CIMAP2: variants seen among roughly 807,000 people sequenced by gnomAD.
The protein encoded by CIMAP2 is ciliary microtubule-associated protein 2.
the CIMAP2 span, among the ~76,000 whole-genome samples, chr1:54,838,773 G>T: frequency 3.3e-5 from 5 of 152,150 alleles, no homozygotes; most frequent in Non-Finnish European, 7.3e-5. Context: ...GCCTTCAGTG[G>T]TGTAGCCCAG....
the CIMAP2 span, among the ~76,000 whole-genome samples, chr1:54,824,070 G>A: frequency 1.3e-5 from 2 of 152,080 alleles, no homozygotes; most frequent in African/African-American, 4.8e-5. Flanking sequence ...CACTCAGGCT[G>A]GAGTGTAGTC....
At chr1:54,819,079 G>A in the CIMAP2 span, among the ~76,000 whole-genome samples, 1 of 152,070 alleles carries the variant, frequency 6.6e-6, no homozygotes, top group African/African-American at 2.4e-5. Context: ...GATTGGCAGG[G>A]GCCCTGGTCT....
the CIMAP2 span, among the ~76,000 whole-genome samples, chr1:54,827,418 A>G: frequency 6.6e-6 from 1 of 150,914 alleles, no homozygotes; most frequent in Non-Finnish European, 1.5e-5. Context: ...TCCCCGCAGG[A>G]CTCTCCCCCT....
At chr1:54,816,909 G>A in the CIMAP2 span, 16 of 1,550,858 alleles carry the variant, frequency 1.0e-5, no homozygotes, top group East Asian at 9.1e-5. Flanking sequence ...GTAGGGAAGC[G>A]TCCAAGGGGA....
chr1:54,826,052 TC>T, the CIMAP2 span, among the ~76,000 whole-genome samples: 1 of 152,124 alleles, frequency 6.6e-6, no homozygotes, highest in African/African-American at 2.4e-5. Flanking sequence ...GTCTAAGGGC[TC>T]CCTGACGGTG....
the CIMAP2 span, chr1:54,807,648 C>T: frequency 6.2e-7 from 1 of 1,610,498 alleles, no homozygotes; most frequent in South Asian, 1.1e-5. Context: ...CCCAGCTACC[C>T]CACTTCCAGT....
chr1:54,822,690 G>C, the CIMAP2 span, among the ~76,000 whole-genome samples: 2 of 152,064 alleles, frequency 1.3e-5, no homozygotes, highest in African/African-American at 4.8e-5. Flanking sequence ...ATTTTTAGTA[G>C]AGACAGGATT....
chr1:54,807,039 A>G, the CIMAP2 span: 2 of 1,614,110 alleles, frequency 1.2e-6, no homozygotes, highest in South Asian at 2.2e-5. Flanking sequence ...GAAGTTCAGC[A>G]CCTTCACTGA....
At chr1:54,812,077 T>C in the CIMAP2 span, 29 of 1,614,048 alleles carry the variant, frequency 1.8e-5, no homozygotes, top group Non-Finnish European at 2.5e-5. Context: ...ACCTACTTCT[T>C]CAAAAGCGAC....
the CIMAP2 span, among the ~76,000 whole-genome samples, chr1:54,819,124 G>A: frequency 4.6e-5 from 7 of 152,128 alleles, no homozygotes; most frequent in Non-Finnish European, 7.3e-5. Context: ...GTGTCTCTAG[G>A]TGTTTTCTGT....
the CIMAP2 span, chr1:54,811,767 C>CGGGGGGGGGGGGGGGGCGG: frequency 9.2e-7 from 1 of 1,088,170 alleles, no homozygotes; most frequent in Non-Finnish European, 1.4e-6. Context: ...TTCTGACAGC[C>CGGGGGGGGGGGGGGGGCGG]TCCATGCCCC....
At chr1:54,834,350 CATTA>C in the CIMAP2 span, among the ~76,000 whole-genome samples, 4 of 152,150 alleles carry the variant, frequency 2.6e-5, no homozygotes, top group African/African-American at 4.8e-5. Flanking sequence ...TGAGTCAGTA[CATTA>C]ATTAATAAAA....
the CIMAP2 span, among the ~76,000 whole-genome samples, chr1:54,819,991 CTT>C: frequency 7.4e-3 from 859 of 115,540 alleles, 9 homozygotes; most frequent in Non-Finnish European, 0.011. Flanking sequence ...TCTCTTTCTT[CTT>C]TCTTTCTCCC....
At chr1:54,824,718 G>C in the CIMAP2 span, among the ~76,000 whole-genome samples, 1 of 151,726 alleles carries the variant, frequency 6.6e-6, no homozygotes, top group Admixed American at 6.6e-5. Flanking sequence ...TCAGTTCTAG[G>C]ATTTCTGTTT....
chr1:54,808,612 C>CGGCG, the CIMAP2 span, among the ~76,000 whole-genome samples: 3 of 67,344 alleles, frequency 4.5e-5, no homozygotes, highest in African/African-American at 1.4e-4. Flanking sequence ...CAGGTGCTGC[C>CGGCG]GGGGGAGGGC....
chr1:54,808,623 A>AGGGGGGGGGGGGGGGG, the CIMAP2 span, among the ~76,000 whole-genome samples: 2 of 92,960 alleles, frequency 2.2e-5, no homozygotes, highest in African/African-American at 3.5e-5. Flanking sequence ...GGGGGAGGGC[A>AGGGGGGGGGGGGGGGG]GTGGAGGGCT....
chr1:54,821,598 A>G, the CIMAP2 span, among the ~76,000 whole-genome samples: 1 of 152,066 alleles, frequency 6.6e-6, no homozygotes, highest in Non-Finnish European at 1.5e-5. Context: ...TGCAGTTTCC[A>G]TTATAGAGGT....
At chr1:54,823,326 C>T in the CIMAP2 span, among the ~76,000 whole-genome samples, 2 of 151,526 alleles carry the variant, frequency 1.3e-5, no homozygotes, top group African/African-American at 2.4e-5. Flanking sequence ...TAATGACCTT[C>T]TTTGTCTCTT....
chr1:54,816,936 C>G, the CIMAP2 span: 1 of 1,607,112 alleles, frequency 6.2e-7, no homozygotes, highest in Non-Finnish European at 8.5e-7. Flanking sequence ...GAAGCCGAGA[C>G]ACAGTCTCCA....
Sources: gnomAD v4.1 joint callset for allele counts (sites outside exome capture counted in the v4.1 genomes callset) on GRCh38, gnomAD v4.1.1 for gene constraint, MANE v1.5 for transcripts, NCBI Gene and HGNC (gene_info 2026-07-23, HGNC 2026-07-21) for gene names.